HIVEP3: variants seen among roughly 807,000 people sequenced by gnomAD.
The protein encoded by HIVEP3 is HIVEP zinc finger 3, also known as transcription factor HIVEP3.
Under a neutral mutation model 152.8 loss-of-function variants are expected in HIVEP3, and 49 were observed. The ratio of observed to expected loss-of-function variants is 0.32; its 90% CI spans 0.26 to 0.41. The LOEUF is 0.41. Ranked by LOEUF, HIVEP3 falls within the 10% of genes least tolerant of loss-of-function variation. HIVEP3 has a pLI of 1.00. For synonymous variants in HIVEP3, 1,269 were observed against 1,289.0 expected, an observed-to-expected ratio of 0.98 and a Z score of 0.33; for missense variants, 2,790 against 3,103.3, an observed-to-expected ratio of 0.90 and a Z score of 2.40.
At chr1:41,758,002 G>A (rs944377827) in intron 1 of HIVEP3, among the ~76,000 whole-genome samples, 29 of 152,126 alleles carry the variant, frequency 1.9e-4, no homozygotes, top group South Asian at 8.3e-4. Context: ...GTGAGCCACC[G>A]CTCCCAGCCT....
chr1:41,564,213 C>G (rs1232453689), intron 5 of HIVEP3, among the ~76,000 whole-genome samples: 1 of 140,340 alleles, frequency 7.1e-6, no homozygotes, highest in East Asian at 2.0e-4. Context: ...ACAACAACAA[C>G]AAGAAAAAAC....
At chr1:41,570,993 A>G (rs1056542225) in intron 5 of HIVEP3, among the ~76,000 whole-genome samples, 7 of 151,956 alleles carry the variant, frequency 4.6e-5, no homozygotes, top group African/African-American at 1.7e-4. Context: ...CTTAAGGAGC[A>G]CTCTCCTGGC....
chr1:42,002,536 G>A (rs1645434144), intron 1 of HIVEP3, among the ~76,000 whole-genome samples: 1 of 152,156 alleles, frequency 6.6e-6, no homozygotes, highest in African/African-American at 2.4e-5. Context: ...AAGGTAGTAG[G>A]GTTCCCCATG....
chr1:41,664,411 C>T lies in HIVEP3; in HGVS notation c.-720-35464G>A, dbSNP rs894519177. 7.2e-5 allele frequency among the ~76,000 whole-genome samples: 11 copies of T among 152,170 alleles called. No homozygotes were observed. The highest frequency in any genetic ancestry group is 2.7e-4 in the African/African-American group (11 of 41,442). ...CATCCTCCTCCCCTTTGAGAGGTGG[C>T]CTGGCCTCAAGGGACCCTCCCAATG... is the stretch of plus-strand genomic sequence containing the variant. On this transcript the variant is annotated intron_variant, in intron 2 of 8. Coordinates refer to ENST00000372583, the MANE Select transcript of HIVEP3 (RefSeq NM_024503.5). The surrounding 1 kb of genome is among the most constrained non-coding windows in gnomAD (Gnocchi z 4.4).
At chr1:41,683,796 C>T (rs1558177717) in intron 2 of HIVEP3, among the ~76,000 whole-genome samples, 1 of 152,172 alleles carries the variant, frequency 6.6e-6, no homozygotes, top group East Asian at 1.9e-4. Context: ...AGAAGAGGCT[C>T]AGGACCTGGA....
chr1:42,005,788 C>T (rs116313697), intron 1 of HIVEP3, among the ~76,000 whole-genome samples: 4 of 152,200 alleles, frequency 2.6e-5, no homozygotes, highest in African/African-American at 9.6e-5. Flanking sequence ...TCAAATAAAG[C>T]CTTCAACCAT....
intron 1 of HIVEP3, among the ~76,000 whole-genome samples, chr1:41,747,559 C>T (rs544692677): frequency 2.0e-5 from 3 of 152,204 alleles, no homozygotes; most frequent in African/African-American, 7.2e-5. Context: ...CTAGAGATCA[C>T]CACCATTCAC....
At chr1:41,616,936 C>T (rs1644977773) in intron 3 of HIVEP3, among the ~76,000 whole-genome samples, 1 of 152,154 alleles carries the variant, frequency 6.6e-6, no homozygotes. Context: ...AAAGGACAGG[C>T]ACTATTGCAA....
At chr1:41,544,622 TATCATCGCTACTACCATCACCACC>T (rs1643619088) in intron 5 of HIVEP3, among the ~76,000 whole-genome samples, 1 of 132,530 alleles carries the variant, frequency 7.5e-6, no homozygotes, top group Non-Finnish European at 1.6e-5. Flanking sequence ...CCGCCACCAC[TATCATCGCTACTACCATCACCACC>T]ACCACTACCA....
chr1:41,793,825 G>A (rs746576738), intron 1 of HIVEP3, among the ~76,000 whole-genome samples: 5 of 152,154 alleles, frequency 3.3e-5, no homozygotes, highest in Non-Finnish European at 7.4e-5. Flanking sequence ...ACGTAGAAAT[G>A]CACAAAGAAG....
chr1:41,668,333 G>A (rs938935965), intron 2 of HIVEP3, among the ~76,000 whole-genome samples: 1 of 152,224 alleles, frequency 6.6e-6, no homozygotes, highest in Non-Finnish European at 1.5e-5. Context: ...AGATGAATAC[G>A]GGAGGGGTGA....
chr1:41,544,859 C>CATCACCACCACCACT (rs1558046392), intron 5 of HIVEP3, among the ~76,000 whole-genome samples: 1 of 95,532 alleles, frequency 1.0e-5, no homozygotes, highest in African/African-American at 4.7e-5. Context: ...CCACCACCAC[C>CATCACCACCACCACT]ACCACCACCA....
At chr1:41,650,925 T>G (rs534802893) in intron 2 of HIVEP3, among the ~76,000 whole-genome samples, 1 of 152,384 alleles carries the variant, frequency 6.6e-6, no homozygotes, top group Non-Finnish European at 1.5e-5. Flanking sequence ...TTGTCTCTGC[T>G]GGACACTGAG....
At chr1:41,742,196 G>T (rs887758163) in intron 1 of HIVEP3, among the ~76,000 whole-genome samples, 1 of 151,904 alleles carries the variant, frequency 6.6e-6, no homozygotes, top group African/African-American at 2.4e-5. Context: ...CCATCCATAC[G>T]CTCATCTTTT....
intron 1 of HIVEP3, among the ~76,000 whole-genome samples, chr1:41,867,931 C>A (rs976925131): frequency 7.0e-6 from 1 of 141,910 alleles, no homozygotes; most frequent in South Asian, 2.6e-4. Flanking sequence ...TGCCCTCCCC[C>A]CTCCCCTTCC....
chr1:41,959,097 C>T (rs3903918), intron 1 of HIVEP3, among the ~76,000 whole-genome samples: 261 of 152,252 alleles, frequency 1.7e-3, no homozygotes, highest in Non-Finnish European at 3.1e-3. Flanking sequence ...CAGAGATAGA[C>T]GCTACCCACA....
chr1:41,775,624 GGGA>G (rs1416173637), intron 1 of HIVEP3, among the ~76,000 whole-genome samples: 1 of 152,084 alleles, frequency 6.6e-6, no homozygotes, highest in African/African-American at 2.4e-5. Flanking sequence ...CCAAGTAGCT[GGGA>G]CTACAGGTGC....
chr1:41,938,144 C>T (rs1034298161), intron 1 of HIVEP3, among the ~76,000 whole-genome samples: 3 of 152,160 alleles, frequency 2.0e-5, no homozygotes, highest in Non-Finnish European at 2.9e-5. Flanking sequence ...AATTTAAATG[C>T]CATCTCCTCA....
At chr1:42,033,488 G>A (rs193031612) in intron 1 of HIVEP3, among the ~76,000 whole-genome samples, 32 of 152,220 alleles carry the variant, frequency 2.1e-4, no homozygotes, top group Admixed American at 1.3e-3. Flanking sequence ...CCATTCACTT[G>A]ACACCTGGTC....
Sources: gnomAD v4.1 joint callset for allele counts (sites outside exome capture counted in the v4.1 genomes callset) on GRCh38, gnomAD v4.1.1 for gene constraint, Gnocchi (gnomAD v3.1) non-coding constraint, MANE v1.5 for transcripts, NCBI Gene and HGNC (gene_info 2026-07-23, HGNC 2026-07-21) for gene names.